The following ILK variants were observed in gnomAD, a reference collection of about 807,000 sequenced individuals.
The protein encoded by ILK is integrin linked kinase.
In ILK, 37 loss-of-function variants were observed where a neutral mutation model predicts 57.8. That is an observed-to-expected ratio of 0.64 (90% confidence interval 0.49 to 0.84). The LOEUF is 0.84. Among genes scored for constraint, ILK ranks in the 40% least tolerant of loss-of-function variants. The pLI, the probability that ILK is intolerant of heterozygous loss-of-function variation, is 0.00. For synonymous variants in ILK, 231 were observed against 202.2 expected (o/e 1.14, Z -1.21); for missense variants, 528 against 595.7 (o/e 0.89, Z 1.18).
chr11:6,608,993 G>A lies in ILK; in HGVS notation c.532+26G>A. 1.2e-6 allele frequency: 2 copies of A among 1,613,728 alleles called. No individual in the cohort carries two copies. Among genetic ancestry groups the A allele is most frequent in the African/African-American group, 1.3e-5 (1 of 75,048 alleles). On this transcript the variant is annotated intron_variant, in intron 6 of 12. Transcript: ENST00000299421. The surrounding 1 kb of genome is among the most constrained non-coding windows in gnomAD (Gnocchi z 4.9). ...GTGAGTCACCACTGTGGGAAGAAGG[G>A]TTGTAAAAGGAAATAATCCTGGCCT...
Position 6,610,792 on chromosome 11 carries a change from G to C in ILK, c.*181G>C, listed in dbSNP as rs1855424734. 1.5e-6 allele frequency: 2 copies of C among 1,350,986 alleles called. No individual in the cohort carries two copies. Among genetic ancestry groups the C allele is most frequent in the African/African-American group, 1.4e-5 (1 of 69,800 alleles). 83.7% of individuals were successfully genotyped at this position (1,350,986 alleles called of 1,614,324 possible). A position where few individuals can be genotyped will look rare whatever the true frequency, so the allele number is the denominator to read the frequency against. ...TGGCCCCAAGAGGGGCGGGCTCAGA[G>C]CTTTGTCACTTGCCACATGGTGTCT... On this transcript the variant is annotated 3_prime_UTR_variant, in exon 13 of 13. Transcript: ENST00000299421.
Position 6,610,531 on chromosome 11 carries a change from A to G in ILK, c.1279A>G (p.Ile427Val). 6.2e-7 allele frequency: 1 copy of G among 1,614,184 alleles called. No individual in the cohort carries two copies. Among genetic ancestry groups the G allele is most frequent in the Admixed American group, 1.7e-5 (1 of 60,028 alleles). The change falls in exon 13 of 13, where the codon ATC (isoleucine) becomes GTC (valine). Residue 427 changes from isoleucine (I) to valine (V), a missense_variant. Physicochemically the swap from Ile to Val is conservative, Grantham distance 29. Coordinates refer to ENST00000299421, the MANE Select transcript of ILK (RefSeq NM_004517.4). ...CCCTCATGTGTGTAAGCTCATGAAG[A>G]TCTGCATGAATGAAGACCCTGCAAA... ...ISPHVCKLMKICMNEDPAKRP... is the reference protein window; with the variant it reads ...ISPHVCKLMKVCMNEDPAKRP...
intron 2 of ILK, chr11:6,604,770 T>TAA: frequency 6.4e-6 from 3 of 470,538 alleles, no homozygotes; most frequent in Middle Eastern, 3.5e-4. Context: ...CATGCAAGCA[T>TAA]ATTTAGGCTA....
At position 6,610,219 on chromosome 11, in the gene ILK, G is replaced by C; in HGVS notation, c.1150G>C (p.Glu384Gln). ...DMWSFAVLLWELVTREVPFAD... is the reference protein window; with the variant it reads ...DMWSFAVLLWQLVTREVPFAD... ...GTGGAGTTTTGCAGTGCTTCTGTGG[G>C]AACTGGTGACACGGGAGGTACCCTT... Residue 384 changes from glutamate to glutamine, a missense_variant, in exon 12 of 13, where the codon GAA (glutamate) becomes CAA (glutamine). Glu to Gln is a conservative substitution (Grantham distance 29). Transcript: ENST00000299421. 3 of 1,614,234 alleles carry C rather than the reference G, an allele frequency of 1.9e-6. No homozygotes were observed. The highest frequency in any genetic ancestry group is 2.5e-6 in the Non-Finnish European group (3 of 1,180,032).
intron 2 of ILK, 108 bp from the exon 3 acceptor site, chr11:6,607,938 C>T (rs2134550260): frequency 8.6e-7 from 1 of 1,167,302 alleles, no homozygotes; most frequent in Non-Finnish European, 1.2e-6. Flanking sequence ...AATCAAAGTC[C>T]TAGAGAGGTA....
Position 6,608,334 on chromosome 11 carries a change from A to G in ILK, c.256-60A>G. 1 of 1,575,336 alleles carries G rather than the reference A, an allele frequency of 6.3e-7. No individual in the cohort carries two copies. Among genetic ancestry groups the G allele is most frequent in the Non-Finnish European group, 8.7e-7 (1 of 1,144,786 alleles). ...CCTTTTCCCATGCCCTGACACCAGT[A>G]TCTCATTTGGAACTGACTGTACTTT... On this transcript the variant is annotated intron_variant, in intron 3 of 12. Coordinates refer to ENST00000299421, the MANE Select transcript of ILK (RefSeq NM_004517.4). The surrounding 1 kb of genome is among the most constrained non-coding windows in gnomAD (Gnocchi z 4.9).
At chr11:6,607,083 G>GA (rs1250668110) in intron 2 of ILK, 1 of 152,392 alleles carries the variant, frequency 6.6e-6, no homozygotes, top group African/African-American at 2.4e-5. Context: ...GCCTTGCCTA[G>GA]AGTCGCACAC....
chr11:6,604,327 G>A lies in ILK; in HGVS notation c.56G>A (p.Trp19Ter). 1 of 1,612,702 alleles carries A rather than the reference G, an allele frequency of 6.2e-7. No homozygotes were observed. Among genetic ancestry groups the A allele is most frequent in the Non-Finnish European group, 8.5e-7 (1 of 1,179,522 alleles). The change falls in exon 2 of 13, where the codon TGG becomes TAG. Residue 19 changes from tryptophan (W) to a stop codon, truncating the protein, a stop_gained. Transcript: ENST00000299421. LOFTEE classifies it high-confidence loss of function. ...REGNAVAVRL[W>*]LDNTENDLNQ... ...GGCAACGCAGTCGCCGTTCGCCTGT[G>A]GCTGGACAACACGGAGAACGACCTC...
chr11:6,608,271 C>A lies in ILK; in HGVS notation c.255+60C>A. 6.3e-7 allele frequency: 1 copy of A among 1,585,808 alleles called. No individual in the cohort carries two copies. The highest frequency in any genetic ancestry group is 1.3e-5 in the African/African-American group (1 of 74,522). On this transcript the variant is annotated intron_variant, in intron 3 of 12. Transcript: ENST00000299421. This position sits in a 1 kb window ranked among gnomAD's most constrained non-coding sequence, Gnocchi z 4.9. ...ACATGCCATGAGGGTCAGTCACAGG[C>A]ACTGTAACATACAGTAGAAAGCATG...
At chr11:6,610,370 C>A in intron 12 of ILK, 92 bp downstream of exon 12, 1 of 1,612,418 alleles carries the variant, frequency 6.2e-7, no homozygotes, top group South Asian at 1.1e-5. Flanking sequence ...CATATTTGTT[C>A]GGATATACAG....
Position 6,608,957 on chromosome 11 carries a change from C to T in ILK, c.522C>T (p.Arg174=), listed in dbSNP as rs2134559961. ...YKDTFWKGTT[R]TRPRNGTLNK... ...ACACATTCTGGAAGGGGACCACCCG[C>T]ACTCGGCCCCGTGAGTCACCACTGT... Residue 174 remains arginine, a synonymous_variant, in exon 6 of 13, where the codon CGC becomes CGT. Coordinates refer to ENST00000299421, the MANE Select transcript of ILK (RefSeq NM_004517.4). The surrounding 1 kb of genome is among the most constrained non-coding windows in gnomAD (Gnocchi z 4.9). The T allele has an allele frequency of 1.9e-6, 3 of 1,614,186 alleles. No individual in the cohort carries two copies. Among genetic ancestry groups the T allele is most frequent in the South Asian group, 1.1e-5 (1 of 91,074 alleles).
chr11:6,608,221 A>G lies in ILK; in HGVS notation c.255+10A>G, dbSNP rs757579795. On this transcript the variant is annotated intron_variant, in intron 3 of 12. Transcript: ENST00000299421. This position sits in a 1 kb window ranked among gnomAD's most constrained non-coding sequence, Gnocchi z 4.9. ...TGATATTGTACAGAAGGTACGTACAAACTCCTTCGTCATCCACATCACATA... is the reference window on the plus strand; with the variant it reads ...TGATATTGTACAGAAGGTACGTACAGACTCCTTCGTCATCCACATCACATA... 3 of 1,614,118 alleles carry G rather than the reference A, an allele frequency of 1.9e-6. No individual in the cohort carries two copies. In the East Asian group the frequency reaches 6.7e-5, roughly 36 times the overall value.
intron 2 of ILK, 100 bp from the exon 3 acceptor site, chr11:6,607,946 G>A: frequency 9.6e-6 from 12 of 1,253,864 alleles, no homozygotes; most frequent in South Asian, 8.9e-5. Flanking sequence ...TCCTAGAGAG[G>A]TAAGCCTTCC....
chr11:6,608,865 G>C lies in ILK; in HGVS notation c.449-19G>C. ...TCTTCTCCCTCTGTACCACAGCTTA[G>C]GTTGTTTTTCTTCCCTAGAGCGGGC... On this transcript the variant is annotated intron_variant, in intron 5 of 12. Transcript: ENST00000299421. The surrounding 1 kb of genome is among the most constrained non-coding windows in gnomAD (Gnocchi z 4.9). 6.2e-7 allele frequency: 1 copy of C among 1,614,048 alleles called. No individual in the cohort carries two copies.
chr11:6,608,316 C>A lies in ILK; in HGVS notation c.256-78C>A. The A allele has an allele frequency of 6.4e-7, 1 of 1,570,504 alleles. No homozygotes were observed. Among genetic ancestry groups the A allele is most frequent in the Non-Finnish European group, 8.8e-7 (1 of 1,140,368 alleles). On this transcript the variant is annotated intron_variant, in intron 3 of 12. Transcript: ENST00000299421. This position sits in a 1 kb window ranked among gnomAD's most constrained non-coding sequence, Gnocchi z 4.9. ...AGCATGTGTGCTCTTCCCCCTTTTCCCATGCCCTGACACCAGTATCTCATT... is the reference window on the plus strand; with the variant it reads ...AGCATGTGTGCTCTTCCCCCTTTTCACATGCCCTGACACCAGTATCTCATT...
chr11:6,607,965 A>T, intron 2 of ILK, 81 bp from the exon 3 acceptor site: 1 of 1,403,678 alleles, frequency 7.1e-7, no homozygotes, highest in Non-Finnish European at 1.0e-6. Flanking sequence ...CCCAGAGAGT[A>T]TGTAATTATC....
intron 11 of ILK, 43 bp from the exon 12 acceptor site, chr11:6,610,105 G>A (rs1855351694): frequency 6.2e-7 from 1 of 1,611,408 alleles, no homozygotes. Flanking sequence ...GGCAGAGACA[G>A]GACAGGCAAG....
chr11:6,608,758 A>G lies in ILK; in HGVS notation c.416A>G (p.Lys139Arg). The G allele has an allele frequency of 6.2e-7, 1 of 1,614,088 alleles. No individual in the cohort carries two copies. Residue 139 changes from lysine (K) to arginine (R), a missense_variant, in exon 5 of 13, where the codon AAA (lysine) becomes AGA (arginine). Physicochemically the swap from Lys to Arg is conservative, Grantham distance 26. Transcript: ENST00000299421. This position sits in a 1 kb window ranked among gnomAD's most constrained non-coding sequence, Gnocchi z 4.9. ...AAGTATGGAGAGATGCCTGTGGACA[A>G]AGCCAAGGCACCCCTGAGAGAGCTT... ...CNKYGEMPVDKAKAPLRELLR... is the reference protein window; with the variant it reads ...CNKYGEMPVDRAKAPLRELLR...
chr11:6,610,754 A>G lies in ILK; in HGVS notation c.*143A>G. The G allele has an allele frequency of 3.0e-6, 4 of 1,330,038 alleles. No individual in the cohort carries two copies. The highest frequency in any genetic ancestry group is 4.3e-6 in the Non-Finnish European group (4 of 937,318). The allele number at this position is 1,330,038 out of a possible 1,614,324, so 82.4% of individuals were successfully genotyped here. ...GCCATGGGGTCCATCCCCTTCCCCC[A>G]TCCCTACCACTGTGGCCCCAAGAGG... is the stretch of plus-strand genomic sequence containing the variant. On this transcript the variant is annotated 3_prime_UTR_variant, in exon 13 of 13. Transcript: ENST00000299421.
Sources: gnomAD v4.1 joint callset for allele counts on GRCh38, gnomAD v4.1.1 for gene constraint, Gnocchi (gnomAD v3.1) non-coding constraint, MANE v1.5 for transcripts, NCBI Gene and HGNC (gene_info 2026-07-23, HGNC 2026-07-21) for gene names.